The following ZBTB11 variants were observed in gnomAD, a reference collection of about 807,000 sequenced individuals.
ZBTB11 encodes zinc finger and BTB domain-containing protein 11.
A neutral mutation model predicts 113.1 loss-of-function variants in ZBTB11; 68 were observed. The observed-to-expected ratio is 0.60, with a 90% CI of 0.49 to 0.74. The LOEUF (loss-of-function observed/expected upper bound fraction) is 0.74. ZBTB11 is among the 30% of genes least tolerant of loss of function. The probability of loss-of-function intolerance (pLI) is 0.00; values close to 1 mark genes in which losing one functional copy is unlikely to be tolerated. For synonymous variants in ZBTB11, 518 were observed against 452.6 expected, an observed-to-expected ratio of 1.14 and a Z score of -1.83; for missense variants, 1,104 against 1,279.4, an observed-to-expected ratio of 0.86 and a Z score of 2.09.
intron 8 of ZBTB11, 80 bp from the exon 9 acceptor site, chr3:101,653,018 GT>G: frequency 1.4e-6 from 2 of 1,449,386 alleles, no homozygotes; most frequent in Non-Finnish European, 9.2e-7. Context: ...ACTATTTTTA[GT>G]TTTTTAGAAC....
At chr3:101,664,868 C>T (rs1209167393) in intron 4 of ZBTB11, 96 bp downstream of exon 4, 6 of 1,512,476 alleles carry the variant, frequency 4.0e-6, no homozygotes, top group Admixed American at 4.4e-5. Context: ...ACCCATCTCA[C>T]CTCCCAAATA....
chr3:101,655,226 G>T (rs958580911), intron 7 of ZBTB11, among the ~76,000 whole-genome samples: 1 of 152,064 alleles, frequency 6.6e-6, no homozygotes, highest in Non-Finnish European at 1.5e-5. Context: ...CTTTACCAAG[G>T]GGACATGGAA....
rs1937188002 is a variant in ZBTB11, at chr3:101,676,967, C to T, written c.-53G>A. 1 of 1,494,214 alleles carries T rather than the reference C, an allele frequency of 6.7e-7. No individual in the cohort carries two copies. The highest frequency in any genetic ancestry group is 8.9e-7 in the Non-Finnish European group (1 of 1,121,880). The allele number at this position is 1,494,214 out of a possible 1,614,324, so 92.6% of individuals were successfully genotyped here. On this transcript the variant is annotated 5_prime_UTR_variant, in exon 1 of 11. Coordinates refer to ENST00000312938, the MANE Select transcript of ZBTB11 (RefSeq NM_014415.4). ...TGTCAGGGACAGGTGAGGAAAACGG[C>T]CCGCTACCTACGGGCGGCTGCAGGA...
chr3:101,674,589 A>T (rs1239639527), intron 1 of ZBTB11, among the ~76,000 whole-genome samples: 1 of 150,920 alleles, frequency 6.6e-6, no homozygotes, highest in Non-Finnish European at 1.5e-5. Context: ...AATCCCAGCT[A>T]CTCTGGAGAC....
Position 101,650,456 on chromosome 3 carries a change from G to A in ZBTB11, c.*710C>T, listed in dbSNP as rs1469258058. The A allele has an allele frequency of 6.6e-6, 1 of 152,388 alleles. No individual in the cohort carries two copies. The highest frequency in any genetic ancestry group is 1.5e-5 in the Non-Finnish European group (1 of 67,982). 9.4% of individuals were successfully genotyped at this position (152,388 alleles called of 1,614,324 possible). On this transcript the variant is annotated 3_prime_UTR_variant, in exon 11 of 11. Coordinates refer to ENST00000312938, the MANE Select transcript of ZBTB11 (RefSeq NM_014415.4). Reference sequence around the variant, plus strand: ...TTGCCTTGAAGAAATAGTATAGTAAGGTTTTAATAAGCATTTCATGCATTT... The same window carrying A: ...TTGCCTTGAAGAAATAGTATAGTAAAGTTTTAATAAGCATTTCATGCATTT...
In ZBTB11 at chr3:101,676,860, C is replaced by T. The variant is rs1376632480; in HGVS notation, c.55G>A (p.Glu19Lys). 2 of 1,609,060 alleles carry T rather than the reference C, an allele frequency of 1.2e-6. No homozygotes were observed. Among genetic ancestry groups the T allele is most frequent in the Non-Finnish European group, 1.7e-6 (2 of 1,177,814 alleles). ...CCCTCGGTGCCCGGCGCATACGGCT[C>T]GCGCTCGTTCGTCAGGTAACGCAGG... ...AILRYLTNER[E>K]PYAPGTEGNV... is the part of the protein sequence containing the mutation. The change falls in exon 1 of 11, where the codon GAG (glutamate) becomes AAG (lysine). Residue 19 changes from glutamate (E) to lysine (K), a missense_variant. Physicochemically the swap from Glu to Lys is moderately conservative, Grantham distance 56 (BLOSUM62 1). Transcript: ENST00000312938.
intron 5 of ZBTB11, among the ~76,000 whole-genome samples, chr3:101,660,411 T>C (rs1471407597): frequency 1.3e-5 from 2 of 152,226 alleles, no homozygotes; most frequent in East Asian, 3.8e-4. Flanking sequence ...TAGTTGAAGA[T>C]TCAAGAAATC....
At chr3:101,659,008 G>A (rs1936844448) in intron 6 of ZBTB11, among the ~76,000 whole-genome samples, 1 of 152,160 alleles carries the variant, frequency 6.6e-6, no homozygotes, top group Admixed American at 6.5e-5. Context: ...GGAGCCTGAC[G>A]TAGGAAGACT....
rs558794207 is a variant in ZBTB11 at position 101,649,962 on chromosome 3, T to A, written c.*1204A>T. 6.5e-6 allele frequency: 1 copy of A among 152,760 alleles called. No individual in the cohort carries two copies. The highest frequency in any genetic ancestry group is 6.5e-5 in the Admixed American group (1 of 15,304). The allele number at this position is 152,760 out of a possible 1,614,324, so 9.5% of individuals were successfully genotyped here. A position where few individuals can be genotyped will look rare whatever the true frequency, so the allele number is the denominator to read the frequency against. Reference sequence around the variant, plus strand: ...TAGTTTCCCAGAGAGAAATGTGGCATCTCTCATGGTTATTTTCAAAGTCAG... The same window carrying A: ...TAGTTTCCCAGAGAGAAATGTGGCAACTCTCATGGTTATTTTCAAAGTCAG... On this transcript the variant is annotated 3_prime_UTR_variant, in exon 11 of 11. Transcript: ENST00000312938.
intron 6 of ZBTB11, among the ~76,000 whole-genome samples, chr3:101,656,864 T>G (rs536463820): frequency 6.6e-5 from 10 of 151,666 alleles, no homozygotes; most frequent in Admixed American, 1.3e-4. Context: ...CCGGGTGTGG[T>G]GGTTCATGCT....
chr3:101,672,514 G>A (rs568240807), intron 1 of ZBTB11, among the ~76,000 whole-genome samples: 4 of 152,282 alleles, frequency 2.6e-5, no homozygotes, highest in African/African-American at 9.6e-5. Context: ...TCATGCAAGA[G>A]GAACTATATG....
chr3:101,676,010 A>C (rs952298783), intron 1 of ZBTB11, among the ~76,000 whole-genome samples: 1 of 152,224 alleles, frequency 6.6e-6, no homozygotes, highest in African/African-American at 2.4e-5. Context: ...TTAAAAAAAA[A>C]CGCTCAAGGC....
At chr3:101,676,425 T>C (rs543867844) in intron 1 of ZBTB11, 180 bp downstream of exon 1, 17 of 617,616 alleles carry the variant, frequency 2.8e-5, no homozygotes, top group Non-Finnish European at 1.2e-5. Flanking sequence ...GCCGGCCTCC[T>C]TCCTGTGGGA....
In ZBTB11 at chr3:101,654,939, G is replaced by A. The variant is rs937273666; in HGVS notation, c.2192-118C>T. 46 of 709,308 alleles carry A rather than the reference G, an allele frequency of 6.5e-5. 1 individual carries two copies. The highest frequency in any genetic ancestry group is 1.2e-4 in the Admixed American group (5 of 43,000). 43.9% of individuals were successfully genotyped at this position (709,308 alleles called of 1,614,324 possible). A position where few individuals can be genotyped will look rare whatever the true frequency, so the allele number is the denominator to read the frequency against. ...CCCAGGTTGGATGGAGTGCAGTGGC[G>A]TGATCTCGGCTCATCGCAAACTCCA... On this transcript the variant is annotated intron_variant, in intron 7 of 10. Transcript: ENST00000312938.
At chr3:101,674,715 A>C (rs201902223) in intron 1 of ZBTB11, among the ~76,000 whole-genome samples, 1 of 71,352 alleles carries the variant, frequency 1.4e-5, no homozygotes, top group African/African-American at 3.8e-5. Context: ...AATAAATAAA[A>C]TAAATAAATA....
chr3:101,657,148 A>AAC (rs1553778000), intron 6 of ZBTB11, among the ~76,000 whole-genome samples: 1 of 150,768 alleles, frequency 6.6e-6, no homozygotes, highest in African/African-American at 2.4e-5. Flanking sequence ...CTCAAAAAAA[A>AAC]AAAAAAAACA....
Position 101,651,602 on chromosome 3 carries a change from G to A in ZBTB11, c.2726C>T (p.Thr909Ile). The A allele has an allele frequency of 6.2e-7, 1 of 1,611,456 alleles. No individual in the cohort carries two copies. The highest frequency in any genetic ancestry group is 8.5e-7 in the Non-Finnish European group (1 of 1,179,312). ...AGGACAGACATAGGGCCGTTCACCA[G>A]TATGTGTTCTGACATGGCGTTTTAG... ...RSLKRHVRTHTGERPYVCPVC... is the reference protein window; with the variant it reads ...RSLKRHVRTHIGERPYVCPVC... The change falls in exon 11 of 11, where the codon ACT (threonine) becomes ATT (isoleucine). Residue 909 changes from threonine (T) to isoleucine (I), a missense_variant. By Grantham distance (89) the Thr-to-Ile change is moderately conservative (BLOSUM62 -1). Coordinates refer to ENST00000312938, the MANE Select transcript of ZBTB11 (RefSeq NM_014415.4).
At chr3:101,653,027 A>C in intron 8 of ZBTB11, 89 bp from the exon 9 acceptor site, 1 of 1,374,360 alleles carries the variant, frequency 7.3e-7, no homozygotes, top group Non-Finnish European at 9.8e-7. Flanking sequence ...AGTTTTTTAG[A>C]ACTCCAAAAG....
Position 101,652,662 on chromosome 3 carries a change from T to G in ZBTB11, c.2478A>C (p.Ile826=), listed in dbSNP as rs1314000581. The change falls in exon 10 of 11, where the codon ATA becomes ATC. Residue 826 remains isoleucine, a synonymous_variant. Coordinates refer to ENST00000312938, the MANE Select transcript of ZBTB11 (RefSeq NM_014415.4). ...CTTTTTCATAAAATTCTTTGCCACA[T>G]ATATTACACCTAAAATAGGGGAAAA... The part of the protein sequence containing the change: ...HSVTEPYRCN[I]CGKEFYEKAL... 6.2e-7 allele frequency: 1 copy of G among 1,613,642 alleles called. No individual in the cohort carries two copies. The highest frequency in any genetic ancestry group is 2.2e-5 in the East Asian group (1 of 44,872).
Sources: gnomAD v4.1 joint callset for allele counts (sites outside exome capture counted in the v4.1 genomes callset) on GRCh38, gnomAD v4.1.1 for gene constraint, MANE v1.5 for transcripts, NCBI Gene and HGNC (gene_info 2026-07-23, HGNC 2026-07-21) for gene names.